The following C11orf65 variants were observed in gnomAD, a reference collection of about 807,000 sequenced individuals.
C11orf65 encodes the protein protein MFI.
C11orf65 carries 38 observed loss-of-function variants against 35.3 expected under a neutral mutation model. The ratio of observed to expected loss-of-function variants is 1.08; its 90% CI spans 0.83 to 1.41. The LOEUF (loss-of-function observed/expected upper bound fraction) is 1.41, where lower values mean the gene tolerates loss of function less well. Among genes scored for constraint, C11orf65 ranks in the 40% most tolerant of loss-of-function variants. The probability of loss-of-function intolerance (pLI) is 0.00; values close to 1 mark genes in which losing one functional copy is unlikely to be tolerated. For synonymous variants in C11orf65, 105 were observed against 114.4 expected (o/e 0.92, Z 0.53); for missense variants, 370 against 367.1 (o/e 1.01, Z -0.06).
intron 2 of C11orf65, chr11:108,368,876 A>G (rs539080948): frequency 4.0e-5 from 8 of 200,140 alleles, no homozygotes; most frequent in African/African-American, 1.6e-4. Context: ...AAGCAAATAA[A>G]AGCAAAGAGG....
rs369743303 is a variant in C11orf65 at position 108,383,110 on chromosome 11, T to A, written c.853A>T (p.Met285Leu). 1 of 1,612,236 alleles carries A rather than the reference T, an allele frequency of 6.2e-7. No individual in the cohort carries two copies. Among genetic ancestry groups the A allele is most frequent in the Admixed American group, 1.7e-5 (1 of 59,668 alleles). Residue 285 changes from methionine to leucine, a missense_variant, in exon 9 of 9, where the codon ATG becomes TTG. By Grantham distance (15) the Met-to-Leu change is conservative (BLOSUM62 2). Coordinates refer to ENST00000393084, the MANE Select transcript of C11orf65 (RefSeq NM_152587.5). ...NYGGDISKMQ[M>L]GIPDDTYYEN... is the part of the protein sequence containing the mutation. ...TAGTAAGTATCATCTGGTATTCCCA[T>A]TTGCATCTTTGATATGTCTCCTCCA...
rs539536785 is a variant in C11orf65, at chr11:108,440,268, A to G, written c.82-8430T>C. 3.3e-5 allele frequency among the ~76,000 whole-genome samples: 5 copies of G among 152,340 alleles called. No individual in the cohort carries two copies. The East Asian group carries it at 9.6e-4, about 29-fold the overall frequency. ...ATCATCTATTACTGTGTAGTAAAGT[A>G]CCTCAAAACTTAGTAGTGTAAAAAC... On this transcript the variant is annotated intron_variant, in intron 2 of 8. Transcript: ENST00000393084.
intron 2 of C11orf65, among the ~76,000 whole-genome samples, chr11:108,448,460 G>T (rs1591586436): frequency 6.6e-6 from 1 of 152,098 alleles, no homozygotes; most frequent in Admixed American, 6.5e-5. Context: ...TTCATCCCTG[G>T]GATGCAAGGC....
chr11:108,414,181 A>T (rs2092698288), intron 3 of C11orf65, among the ~76,000 whole-genome samples: 1 of 152,056 alleles, frequency 6.6e-6, no homozygotes, highest in East Asian at 1.9e-4. Flanking sequence ...GGTAACTAAG[A>T]AAAAAAGACA....
chr11:108,463,411 T>A (rs1295983613), intron 1 of C11orf65, among the ~76,000 whole-genome samples: 1 of 152,232 alleles, frequency 6.6e-6, no homozygotes, highest in Admixed American at 6.5e-5. Flanking sequence ...TGTTGTTTTT[T>A]AAATTCACAT....
At chr11:108,358,087 G>A (rs1345317009) in intron 2 of C11orf65, among the ~76,000 whole-genome samples, 1 of 150,238 alleles carries the variant, frequency 6.7e-6, no homozygotes, top group Non-Finnish European at 1.5e-5. Context: ...AACCAATACA[G>A]AGAAGTGCTT....
chr11:108,448,847 C>T (rs1232794143), intron 2 of C11orf65, among the ~76,000 whole-genome samples: 7 of 152,094 alleles, frequency 4.6e-5, no homozygotes, highest in African/African-American at 1.7e-4. Context: ...TCAAATTGTC[C>T]CTGTTTGCAG....
chr11:108,412,924 A>G (rs569792009), intron 3 of C11orf65, among the ~76,000 whole-genome samples: 22 of 152,342 alleles, frequency 1.4e-4, no homozygotes, highest in African/African-American at 5.3e-4. Flanking sequence ...TATGTGAAGC[A>G]AAAACTGATA....
intron 6 of C11orf65, among the ~76,000 whole-genome samples, chr11:108,319,090 T>A (rs138663813): frequency 5.4e-4 from 82 of 151,716 alleles, no homozygotes; most frequent in African/African-American, 1.8e-3. Context: ...GGTGAGGGGA[T>A]CCCTTGAGCC....
At chr11:108,348,713 T>G (rs949622423) in intron 2 of C11orf65, among the ~76,000 whole-genome samples, 7 of 152,158 alleles carry the variant, frequency 4.6e-5, no homozygotes, top group Non-Finnish European at 8.8e-5. Flanking sequence ...GTTTCATTAT[T>G]TTCCAAAGAA....
chr11:108,388,999 G>A (rs543181728), intron 7 of C11orf65, among the ~76,000 whole-genome samples: 1 of 152,236 alleles, frequency 6.6e-6, no homozygotes, highest in Non-Finnish European at 1.5e-5. Context: ...GGAGAGCATC[G>A]GTCTGTCATA....
At chr11:108,342,424 A>AATAT (rs980530405) in intron 2 of C11orf65, among the ~76,000 whole-genome samples, 9 of 152,346 alleles carry the variant, frequency 5.9e-5, no homozygotes, top group African/African-American at 2.2e-4. Flanking sequence ...ATATACATAT[A>AATAT]GTATCCTAAT....
chr11:108,405,057 A>G (rs1328838421), intron 6 of C11orf65, among the ~76,000 whole-genome samples: 2 of 152,232 alleles, frequency 1.3e-5, no homozygotes, highest in African/African-American at 4.8e-5. Context: ...TTGTTTACTC[A>G]TGCGGTCTTA....
intron 2 of C11orf65, among the ~76,000 whole-genome samples, chr11:108,459,432 T>C (rs1437992401): frequency 1.3e-5 from 2 of 152,024 alleles, no homozygotes; most frequent in Non-Finnish European, 2.9e-5. Context: ...AATTAACCCC[T>C]GTCTTCAGTC....
chr11:108,442,505 T>A (rs1053708690), intron 2 of C11orf65, among the ~76,000 whole-genome samples: 33 of 151,948 alleles, frequency 2.2e-4, no homozygotes, highest in African/African-American at 7.0e-4. Context: ...AGAAGAGCAA[T>A]CCCAAGACAC....
rs1261543405 is a variant in C11orf65 at position 108,382,955 on chromosome 11, T to C, written c.*66A>G. 2.5e-6 allele frequency: 4 copies of C among 1,591,678 alleles called. No homozygotes were observed. In the Middle Eastern group the frequency reaches 5.0e-4, roughly 199 times the overall value. On this transcript the variant is annotated 3_prime_UTR_variant, in exon 9 of 9. Transcript: ENST00000393084. The stretch of plus-strand genomic sequence containing the variant: ...AAGTTATTCCAGTCAGAATACACTA[T>C]CTCTTGGCTATAACTGATGGATGGA...
At chr11:108,328,585 G>A (rs1402005181), downstream of C11orf65, among the ~76,000 whole-genome samples, 4 of 152,180 alleles carry the variant, frequency 2.6e-5, no homozygotes, top group Non-Finnish European at 5.9e-5. Flanking sequence ...TGTTTTTGCA[G>A]AGTTCTTTAC....
At chr11:108,379,632 T>A (rs897268866), downstream of C11orf65, among the ~76,000 whole-genome samples, 5 of 150,554 alleles carry the variant, frequency 3.3e-5, no homozygotes, top group Non-Finnish European at 7.4e-5. Flanking sequence ...ATAATAATAA[T>A]AAAATAAAAT....
chr11:108,357,216 C>T (rs1036922427), intron 2 of C11orf65, among the ~76,000 whole-genome samples: 8 of 152,298 alleles, frequency 5.3e-5, no homozygotes, highest in East Asian at 3.9e-4. Flanking sequence ...CACTCCCACC[C>T]GAATATTGCG....
Sources: allele counts gnomAD v4.1 joint callset (sites outside exome capture counted in the v4.1 genomes callset), GRCh38; gene constraint gnomAD v4.1.1; transcripts MANE v1.5; gene names NCBI Gene and HGNC (gene_info 2026-07-23, HGNC 2026-07-21).